EBF3: variants seen among roughly 807,000 people sequenced by gnomAD.
The protein encoded by EBF3 is EBF transcription factor 3.
Under a neutral mutation model 77.1 loss-of-function variants are expected in EBF3, and 18 were observed. That is an observed-to-expected ratio of 0.23 (90% CI 0.16 to 0.35). The LOEUF (loss-of-function observed/expected upper bound fraction) is 0.35. Among genes scored for constraint, EBF3 ranks in the 10% least tolerant of loss-of-function variants. EBF3 has a pLI of 1.00. For synonymous variants in EBF3, 350 were observed against 343.5 expected (o/e 1.02, Z -0.21); for missense variants, 558 against 860.0 (o/e 0.65, Z 4.39).
chr10:129,949,355 C>T (rs1180191034), intron 6 of EBF3, among the ~76,000 whole-genome samples: 1 of 152,182 alleles, frequency 6.6e-6, no homozygotes, highest in African/African-American at 2.4e-5. Flanking sequence ...TTAGGGGGCA[C>T]TCAGGGAGGA....
At chr10:129,911,408 C>T (rs1221654918) in intron 6 of EBF3, among the ~76,000 whole-genome samples, 1 of 152,242 alleles carries the variant, frequency 6.6e-6, no homozygotes, top group Admixed American at 6.5e-5. Flanking sequence ...CCTGTCCTGG[C>T]TCCTCTCTCA....
intron 6 of EBF3, among the ~76,000 whole-genome samples, chr10:129,889,961 TTTTTTTTTTTTTTTTG>T (rs1328902411): frequency 7.5e-6 from 1 of 133,574 alleles, no homozygotes; most frequent in Non-Finnish European, 1.6e-5. Context: ...TTTTTTTTTT[TTTTTTTTTTTTTTTTG>T]GTTATGAAGA....
intron 14 of EBF3, 85 bp from the exon 15 acceptor site, chr10:129,840,527 GGGGGCA>G: frequency 7.0e-7 from 1 of 1,433,196 alleles, no homozygotes; most frequent in Non-Finnish European, 9.4e-7. Flanking sequence ...CCTCGGACGG[GGGGGCA>G]GGGGCACGAA....
chr10:129,902,599 C>A (rs1854869908), intron 6 of EBF3, among the ~76,000 whole-genome samples: 1 of 152,146 alleles, frequency 6.6e-6, no homozygotes, highest in Non-Finnish European at 1.5e-5. Context: ...TTTTCAGTAA[C>A]CACCTTTCTT....
At chr10:129,888,983 C>T (rs1345992237) in intron 6 of EBF3, among the ~76,000 whole-genome samples, 1 of 152,236 alleles carries the variant, frequency 6.6e-6, no homozygotes, top group Non-Finnish European at 1.5e-5. Flanking sequence ...GGCGTGACAG[C>T]AGAGGGGGTG....
chr10:129,868,988 G>A (rs577196408), intron 8 of EBF3, among the ~76,000 whole-genome samples: 3 of 152,346 alleles, frequency 2.0e-5, no homozygotes, highest in Non-Finnish European at 2.9e-5. Flanking sequence ...CTTTAGGTGA[G>A]CTGGGAGGTT....
In EBF3 at chr10:129,837,542, T is replaced by TTTCATCAGCGTTTCATGATCATCAAAA. The variant is rs1849685746; in HGVS notation, c.*374_*400dup. The stretch of plus-strand genomic sequence containing the variant: ...GTACAGAAAAATGTTTGGAGGCATT[T>TTTCATCAGCGTTTCATGATCATCAAAA]TTCATCAGCGTTTCATGATCATCAA... On this transcript the variant is annotated 3_prime_UTR_variant, in exon 17 of 17. Coordinates refer to ENST00000440978, the MANE Select transcript of EBF3 (RefSeq NM_001375380.1). 5 of 196,914 alleles carry TTTCATCAGCGTTTCATGATCATCAAAA rather than the reference T, an allele frequency of 2.5e-5. No individual in the cohort carries two copies. Among genetic ancestry groups the TTTCATCAGCGTTTCATGATCATCAAAA allele is most frequent in the Non-Finnish European group, 5.2e-5 (5 of 96,312 alleles). 12.2% of individuals were successfully genotyped at this position (196,914 alleles called of 1,614,324 possible).
At chr10:129,873,206 C>T (rs114067663) in intron 8 of EBF3, among the ~76,000 whole-genome samples, 151 of 152,322 alleles carry the variant, frequency 9.9e-4, no homozygotes, top group Middle Eastern at 3.4e-3. Context: ...AGCAAAAGAA[C>T]GCCTGGAAAC....
chr10:129,890,075 C>T (rs549401390), intron 6 of EBF3, among the ~76,000 whole-genome samples: 1 of 149,924 alleles, frequency 6.7e-6, no homozygotes, highest in Non-Finnish European at 1.5e-5. Context: ...CGAGTCCTTA[C>T]CCCGACGCTT....
At chr10:129,914,542 G>T (rs550346372) in intron 6 of EBF3, among the ~76,000 whole-genome samples, 145 of 151,924 alleles carry the variant, frequency 9.5e-4, no homozygotes, top group Non-Finnish European at 1.6e-3. Context: ...TGAATCCCCT[G>T]CTGGGCATGC....
At position 129,867,903 on chromosome 10, in the gene EBF3, C is replaced by G; in HGVS notation, c.791G>C (p.Cys264Ser). ...APSYLENATPCIKAISPSEGW... is the reference protein window; with the variant it reads ...APSYLENATPSIKAISPSEGW... ...TTCACTGGGACTGATGGCCTTGATG[C>G]ACGGAGTGGCTGCTCACACAAGACA... Residue 264 changes from cysteine to serine, a missense_variant, in exon 9 of 17, where the codon TGC becomes TCC. Around this residue, in one of 5 missense-constraint regions of EBF3, gnomAD observed 112 missense variants for 207.7 expected, o/e 0.54. Coordinates refer to ENST00000440978, the MANE Select transcript of EBF3 (RefSeq NM_001375380.1). The G allele has an allele frequency of 1.2e-6, 2 of 1,614,118 alleles. No individual in the cohort carries two copies. The highest frequency in any genetic ancestry group is 1.7e-6 in the Non-Finnish European group (2 of 1,180,008).
intron 8 of EBF3, among the ~76,000 whole-genome samples, chr10:129,871,142 C>T (rs1041252135): frequency 8.5e-5 from 13 of 152,190 alleles, no homozygotes; most frequent in South Asian, 2.1e-4. Flanking sequence ...AACCGCATTA[C>T]GGCACTTGGC....
intron 7 of EBF3, 85 bp downstream of exon 7, chr10:129,877,683 C>G (rs759013083): frequency 1.1e-5 from 13 of 1,193,750 alleles, no homozygotes; most frequent in African/African-American, 3.1e-5. Flanking sequence ...CTCAAGATTA[C>G]TTCCTGAACA....
rs1460139267 is a variant in EBF3, at chr10:129,935,365, G to A, written c.554+21893C>T. On this transcript the variant is annotated intron_variant, in intron 6 of 16. Coordinates refer to ENST00000440978, the MANE Select transcript of EBF3 (RefSeq NM_001375380.1). The surrounding 1 kb of genome is among the most constrained non-coding windows in gnomAD (Gnocchi z 4.2). ...GCCTTCCCAGCTCTCCGGTGGGGAA[G>A]GTGGGATCCTGTCCTGCCTGGCTCC... 6.6e-6 allele frequency among the ~76,000 whole-genome samples: 1 copy of A among 152,122 alleles called. No individual in the cohort carries two copies. Among genetic ancestry groups the A allele is most frequent in the African/African-American group, 2.4e-5 (1 of 41,412 alleles).
At chr10:129,955,636 G>A (rs1287145663) in intron 6 of EBF3, among the ~76,000 whole-genome samples, 1 of 152,178 alleles carries the variant, frequency 6.6e-6, no homozygotes, top group Non-Finnish European at 1.5e-5. Context: ...AGCATCAATA[G>A]TCAATAAAGG....
At chr10:129,910,503 C>G (rs771061822) in intron 6 of EBF3, among the ~76,000 whole-genome samples, 119 of 152,030 alleles carry the variant, frequency 7.8e-4, no homozygotes, top group Non-Finnish European at 1.5e-3. Context: ...TGGAAGGGTC[C>G]GAAGAGCCAT....
At chr10:129,942,882 C>T (rs528196616) in intron 6 of EBF3, among the ~76,000 whole-genome samples, 118 of 152,302 alleles carry the variant, frequency 7.7e-4, no homozygotes, top group South Asian at 1.7e-3. Flanking sequence ...CTGTGCAGAA[C>T]GCTCAGGTAC....
At position 129,837,761 on chromosome 10, in the gene EBF3, A is replaced by C. The variant is rs1365555522; in HGVS notation, c.*182T>G. 8.3e-6 allele frequency: 6 copies of C among 721,620 alleles called. No individual in the cohort carries two copies. Among genetic ancestry groups the C allele is most frequent in the Non-Finnish European group, 1.4e-5 (6 of 438,274 alleles). 44.7% of individuals were successfully genotyped at this position (721,620 alleles called of 1,614,324 possible). A position where few individuals can be genotyped will look rare whatever the true frequency, so the allele number is the denominator to read the frequency against. ...GAAGAAGTAGGCTGTTTGCATGTTG[A>C]TTCTTAATAGTTTAAATAAAATCTT... is the stretch of plus-strand genomic sequence containing the variant. On this transcript the variant is annotated 3_prime_UTR_variant, in exon 17 of 17. Coordinates refer to ENST00000440978, the MANE Select transcript of EBF3 (RefSeq NM_001375380.1).
intron 6 of EBF3, among the ~76,000 whole-genome samples, chr10:129,949,249 C>T (rs1193968790): frequency 6.6e-6 from 1 of 152,162 alleles, no homozygotes; most frequent in East Asian, 1.9e-4. Context: ...TGCGGTGAGC[C>T]GAGATCGTGC....
Sources: gnomAD v4.1 joint callset for allele counts (sites outside exome capture counted in the v4.1 genomes callset) on GRCh38, gnomAD v4.1.1 for gene constraint, gnomAD v4.1.1 regional missense constraint, Gnocchi (gnomAD v3.1) non-coding constraint, MANE v1.5 for transcripts, NCBI Gene and HGNC (gene_info 2026-07-23, HGNC 2026-07-21) for gene names.